SLC41A2: variants seen among roughly 807,000 people sequenced by gnomAD.
SLC41A2 encodes solute carrier family 41 member 2.
SLC41A2 carries 32 observed loss-of-function variants against 58.3 expected under a neutral mutation model. The observed-to-expected ratio is 0.55, with a 90% CI of 0.41 to 0.74. The LOEUF (loss-of-function observed/expected upper bound fraction) is 0.74, where lower values mean the gene tolerates loss of function less well. SLC41A2 is among the 30% of genes least tolerant of loss of function. The pLI is 0.00. For synonymous variants in SLC41A2, 190 were observed against 235.0 expected (o/e 0.81, Z 1.75); for missense variants, 514 against 680.6 (o/e 0.76, Z 2.72).
chr12:104,844,445 G>A, intron 10 of SLC41A2, 27 bp downstream of exon 10: 1 of 1,366,784 alleles, frequency 7.3e-7, no homozygotes, highest in Non-Finnish European at 9.6e-7. Context: ...CAGCATAAAA[G>A]AGATTTCAAG....
intron 2 of SLC41A2, among the ~76,000 whole-genome samples, chr12:104,910,609 G>A (rs920227107): frequency 2.6e-5 from 4 of 152,186 alleles, no homozygotes; most frequent in Admixed American, 6.5e-5. Context: ...GGAAGGGGGC[G>A]GGTCAGACAT....
chr12:104,856,062 C>T (rs1382765975), intron 8 of SLC41A2, among the ~76,000 whole-genome samples: 1 of 152,160 alleles, frequency 6.6e-6, no homozygotes, highest in Non-Finnish European at 1.5e-5. Context: ...GTTCTACCTC[C>T]GAGCTGCTGA....
chr12:104,838,850 T>C (rs1355283296), intron 10 of SLC41A2, among the ~76,000 whole-genome samples: 1 of 152,190 alleles, frequency 6.6e-6, no homozygotes, highest in African/African-American at 2.4e-5. Flanking sequence ...ACAATACCTT[T>C]TATTTCTTTT....
intron 6 of SLC41A2, among the ~76,000 whole-genome samples, chr12:104,882,417 T>C (rs1003328244): frequency 3.3e-5 from 5 of 152,208 alleles, no homozygotes; most frequent in African/African-American, 1.2e-4. Flanking sequence ...ATAGCATCGA[T>C]GGTATTTACA....
At chr12:104,812,916 C>T (rs1408095018) in intron 10 of SLC41A2, among the ~76,000 whole-genome samples, 1 of 152,212 alleles carries the variant, frequency 6.6e-6, no homozygotes, top group Non-Finnish European at 1.5e-5. Context: ...TGGTGGCTCA[C>T]GCCTGTAATC....
At chr12:104,936,916 A>G (rs1565916044) in intron 1 of SLC41A2, among the ~76,000 whole-genome samples, 1 of 152,248 alleles carries the variant, frequency 6.6e-6, no homozygotes, top group Non-Finnish European at 1.5e-5. Context: ...TATTATTACA[A>G]AAGTCAATAT....
intron 10 of SLC41A2, among the ~76,000 whole-genome samples, chr12:104,808,453 G>C (rs892441905): frequency 6.6e-6 from 1 of 152,176 alleles, no homozygotes; most frequent in Non-Finnish European, 1.5e-5. Flanking sequence ...TTGATGTGCT[G>C]CTGGATTCGG....
Position 104,804,980 on chromosome 12 carries a change from GT to G in SLC41A2, c.*171del, listed in dbSNP as rs1410245637. ...AGCAGCACGAATACTCTTCATTCTG[GT>G]TTTGACACAAATTCCTTAAAAAAAA... On this transcript the variant is annotated 3_prime_UTR_variant, in exon 11 of 11. Coordinates refer to ENST00000258538, the MANE Select transcript of SLC41A2 (RefSeq NM_001352171.3). 7.4e-6 allele frequency: 4 copies of G among 538,640 alleles called. No homozygotes were observed. In the African/African-American group the frequency reaches 7.7e-5, roughly 10 times the overall value. 33.4% of individuals were successfully genotyped at this position (538,640 alleles called of 1,614,324 possible).
chr12:104,838,543 AATTAT>A (rs1346933003), intron 10 of SLC41A2, among the ~76,000 whole-genome samples: 6 of 152,226 alleles, frequency 3.9e-5, no homozygotes, highest in Admixed American at 3.9e-4. Flanking sequence ...TTGTTTTTAA[AATTAT>A]ATTAATAAAA....
chr12:104,944,360 C>T (rs979927013), intron 1 of SLC41A2, among the ~76,000 whole-genome samples: 1 of 152,090 alleles, frequency 6.6e-6, no homozygotes, highest in East Asian at 1.9e-4. Context: ...GGGACACCTT[C>T]GTAATGGCAC....
chr12:104,884,368 A>G (rs566418129), intron 6 of SLC41A2, among the ~76,000 whole-genome samples: 17 of 152,198 alleles, frequency 1.1e-4, no homozygotes, highest in Middle Eastern at 3.4e-3. Context: ...ACTAGTCCCA[A>G]TGAGACGAAC....
intron 1 of SLC41A2, among the ~76,000 whole-genome samples, chr12:104,940,794 C>T (rs1294669301): frequency 3.3e-5 from 5 of 151,836 alleles, no homozygotes; most frequent in African/African-American, 1.2e-4. Context: ...TGGCAGACGC[C>T]TGTAGTCCCA....
At chr12:104,930,334 T>C (rs1458152542) in intron 1 of SLC41A2, among the ~76,000 whole-genome samples, 1 of 152,106 alleles carries the variant, frequency 6.6e-6, no homozygotes, top group African/African-American at 2.4e-5. Flanking sequence ...GATAAAACGA[T>C]GTAGTCCCCG....
chr12:104,845,904 T>C lies in SLC41A2; in HGVS notation c.1326A>G (p.Pro442=), dbSNP rs1425358581. 6.2e-7 allele frequency: 1 copy of C among 1,613,862 alleles called. No homozygotes were observed. Among genetic ancestry groups the C allele is most frequent in the Non-Finnish European group, 8.5e-7 (1 of 1,179,900 alleles). Reference sequence around the variant, plus strand: ...CTTTGGGTTCATCAGGCAATTCTCCTGGAATGCTATGTAAATGGAGGTAGG... The same window carrying C: ...CTTTGGGTTCATCAGGCAATTCTCCCGGAATGCTATGTAAATGGAGGTAGG... The part of the protein sequence containing the change: ...ISTYLHLHSI[P]GELPDEPKGC... Residue 442 remains proline, a synonymous_variant, in exon 9 of 11, where the codon CCA becomes CCG. Transcript: ENST00000258538.
At chr12:104,869,642 CA>C (rs1231264336) in intron 6 of SLC41A2, among the ~76,000 whole-genome samples, 1 of 152,148 alleles carries the variant, frequency 6.6e-6, no homozygotes, top group Non-Finnish European at 1.5e-5. Flanking sequence ...CCAAATCCAA[CA>C]TGCCCATTCC....
intron 1 of SLC41A2, among the ~76,000 whole-genome samples, chr12:104,930,497 C>T (rs974464438): frequency 2.0e-5 from 3 of 152,194 alleles, no homozygotes; most frequent in Admixed American, 1.3e-4. Context: ...GTGAGTATTT[C>T]ACTGCCCCAA....
chr12:104,872,886 G>A (rs1416858221), intron 6 of SLC41A2, among the ~76,000 whole-genome samples: 2 of 151,494 alleles, frequency 1.3e-5, no homozygotes, highest in African/African-American at 4.8e-5. Flanking sequence ...TTCTTTTTTT[G>A]ATACATACTT....
At chr12:104,898,677 T>C (rs2045414777) in intron 3 of SLC41A2, among the ~76,000 whole-genome samples, 1 of 152,102 alleles carries the variant, frequency 6.6e-6, no homozygotes, top group Non-Finnish European at 1.5e-5. Context: ...TTTTTACCAC[T>C]GAACATGTAG....
intron 7 of SLC41A2, among the ~76,000 whole-genome samples, chr12:104,864,944 G>A (rs1486140401): frequency 2.0e-5 from 3 of 151,894 alleles, no homozygotes; most frequent in African/African-American, 7.3e-5. Context: ...TATGTTAGAG[G>A]CCTTTATGAA....
Sources: allele counts gnomAD v4.1 joint callset (sites outside exome capture counted in the v4.1 genomes callset), GRCh38; gene constraint gnomAD v4.1.1; transcripts MANE v1.5; gene names NCBI Gene and HGNC (gene_info 2026-07-23, HGNC 2026-07-21).